ASTN1: variants seen among roughly 807,000 people sequenced by gnomAD.
ASTN1 encodes the protein astrotactin 1.
A neutral mutation model predicts 140.7 loss-of-function variants in ASTN1; 41 were observed. That is an observed-to-expected ratio of 0.29 (90% CI 0.23 to 0.38). The LOEUF is 0.38. Ranked by LOEUF, ASTN1 falls within the 10% of genes least tolerant of loss-of-function variation. The pLI, the probability that ASTN1 is intolerant of heterozygous loss-of-function variation, is 1.00. For missense variants in ASTN1, 1,479 were observed against 1,678.8 expected (o/e 0.88, Z 2.08); for synonymous variants, 640 against 652.2 (o/e 0.98, Z 0.29).
intron 13 of ASTN1, 96 bp downstream of exon 13, chr1:176,945,830 C>T (rs1414066980): frequency 2.4e-6 from 3 of 1,267,614 alleles, no homozygotes; most frequent in African/African-American, 1.5e-5. Flanking sequence ...TCATATTTAC[C>T]CTGCTCCAAC....
chr1:176,914,457 T>C (rs1670393637), intron 16 of ASTN1, among the ~76,000 whole-genome samples: 1 of 151,974 alleles, frequency 6.6e-6, no homozygotes, highest in South Asian at 2.1e-4. Flanking sequence ...GCCACAGAGG[T>C]CATTACAAAG....
At chr1:176,858,497 G>A (rs1241791873), downstream of ASTN1, among the ~76,000 whole-genome samples, 1 of 152,108 alleles carries the variant, frequency 6.6e-6, no homozygotes, top group Non-Finnish European at 1.5e-5. Flanking sequence ...GTGTTACCAT[G>A]GATGCATGCA....
intron 1 of ASTN1, among the ~76,000 whole-genome samples, chr1:177,065,678 G>C (rs913481236): frequency 1.3e-5 from 2 of 152,152 alleles, no homozygotes; most frequent in Non-Finnish European, 2.9e-5. Context: ...CTGCAGGGGG[G>C]ATGAGGTGGA....
intron 8 of ASTN1, among the ~76,000 whole-genome samples, chr1:176,990,704 G>A (rs889977114): frequency 2.6e-5 from 4 of 151,990 alleles, no homozygotes; most frequent in African/African-American, 9.7e-5. Flanking sequence ...AGAGACTGGC[G>A]TAGTCTCCCC....
At chr1:176,901,940 T>C (rs1332370280) in intron 16 of ASTN1, among the ~76,000 whole-genome samples, 2 of 152,234 alleles carry the variant, frequency 1.3e-5, no homozygotes, top group African/African-American at 4.8e-5. Flanking sequence ...GTTCCAAAAT[T>C]AAGGTTACTA....
intron 8 of ASTN1, among the ~76,000 whole-genome samples, chr1:176,970,275 T>C (rs2101860308): frequency 6.6e-6 from 1 of 152,348 alleles, no homozygotes; most frequent in Admixed American, 6.5e-5. Flanking sequence ...TGCTGATAGC[T>C]TGGGCATTTC....
intron 9 of ASTN1, 137 bp from the exon 10 acceptor site, chr1:176,958,619 C>A: frequency 8.1e-7 from 1 of 1,234,916 alleles, no homozygotes; most frequent in East Asian, 2.7e-5. Flanking sequence ...TTTATGGGTG[C>A]AATGACTAAG....
rs1049846868 is a variant in ASTN1 at position 176,861,973 on chromosome 1, G to A, written c.*2311C>T. On this transcript the variant is annotated 3_prime_UTR_variant, in exon 23 of 23. Coordinates refer to ENST00000361833, the MANE Select transcript of ASTN1 (RefSeq NM_004319.3). ...TCAACTCCCACATCATCCACTTCTGGGCAGGAAGGCATCGGCAGCCTCACC... is the reference window on the plus strand; with the variant it reads ...TCAACTCCCACATCATCCACTTCTGAGCAGGAAGGCATCGGCAGCCTCACC... The A allele has an allele frequency of 1.1e-5, 11 of 985,360 alleles. No homozygotes were observed. In the African/African-American group the frequency reaches 1.7e-4, roughly 16 times the overall value. The allele number at this position is 985,360 out of a possible 1,614,324, so 61.0% of individuals were successfully genotyped here.
chr1:176,900,010 C>A (rs1463054106), intron 16 of ASTN1, among the ~76,000 whole-genome samples: 1 of 152,094 alleles, frequency 6.6e-6, no homozygotes, highest in Non-Finnish European at 1.5e-5. Context: ...ACGTCTTTGC[C>A]TAGTTTAGTT....
chr1:177,149,167 T>G (rs1457945170), intron 1 of ASTN1, among the ~76,000 whole-genome samples: 1 of 118,532 alleles, frequency 8.4e-6, no homozygotes, highest in Non-Finnish European at 1.6e-5. Flanking sequence ...AGTGTATATA[T>G]AGTAAATATA....
chr1:176,923,258 T>C lies in ASTN1; in HGVS notation c.2671+10894A>G, dbSNP rs567989104. Among the ~76,000 whole-genome samples the C allele has an allele frequency of 5.3e-5, 8 of 152,316 alleles. No homozygotes were observed. The East Asian group carries it at 1.2e-3, about 22-fold the overall frequency. On this transcript the variant is annotated intron_variant, in intron 16 of 22. Transcript: ENST00000361833. ...AAGTAGAAATCATTTGCCGAGTTTATAGAGTCACAGAACATTAGAACTAGA... is the reference window on the plus strand; with the variant it reads ...AAGTAGAAATCATTTGCCGAGTTTACAGAGTCACAGAACATTAGAACTAGA...
chr1:176,866,470 C>T (rs1479671491), intron 22 of ASTN1, among the ~76,000 whole-genome samples: 1 of 152,092 alleles, frequency 6.6e-6, no homozygotes, highest in East Asian at 1.9e-4. Context: ...CTCAGTCTGT[C>T]CTACTGTATG....
chr1:177,090,135 A>G (rs1679676305), intron 1 of ASTN1, among the ~76,000 whole-genome samples: 1 of 152,044 alleles, frequency 6.6e-6, no homozygotes, highest in Non-Finnish European at 1.5e-5. Flanking sequence ...TATATTGATA[A>G]TCTTTGTAAT....
At chr1:176,931,259 G>C (rs888693528) in intron 16 of ASTN1, among the ~76,000 whole-genome samples, 2 of 152,128 alleles carry the variant, frequency 1.3e-5, no homozygotes, top group East Asian at 1.9e-4. Flanking sequence ...CTGAGGTCGG[G>C]AGTTCGAGAC....
intron 20 of ASTN1, among the ~76,000 whole-genome samples, chr1:176,876,861 G>A (rs552952382): frequency 9.8e-5 from 15 of 152,286 alleles, no homozygotes; most frequent in African/African-American, 3.4e-4. Context: ...GCTGTCTTGG[G>A]TATATTTTTT....
intron 1 of ASTN1, among the ~76,000 whole-genome samples, chr1:177,107,926 T>C (rs939176459): frequency 1.3e-5 from 2 of 151,770 alleles, no homozygotes; most frequent in African/African-American, 4.8e-5. Context: ...GGAGGATACT[T>C]TTTTTTTAAG....
In ASTN1 at chr1:176,994,105, C is replaced by A. The variant is rs186237682; in HGVS notation, c.1523+20686G>T. The stretch of plus-strand genomic sequence containing the variant: ...AGTACTTGAAAGTTTTCACCCCACC[C>A]CCCCCGCCACCCACCAATGAGAACT... On this transcript the variant is annotated intron_variant, in intron 8 of 22. Coordinates refer to ENST00000361833, the MANE Select transcript of ASTN1 (RefSeq NM_004319.3). Among the ~76,000 whole-genome samples, 311 of 151,534 alleles carry A rather than the reference C, an allele frequency of 2.1e-3. 3 individuals are homozygous for A. Among genetic ancestry groups the A allele is most frequent in the African/African-American group, 6.9e-3 (282 of 41,106 alleles).
chr1:176,887,989 T>C, intron 18 of ASTN1, 82 bp downstream of exon 18: 1 of 1,578,880 alleles, frequency 6.3e-7, no homozygotes, highest in Non-Finnish European at 8.7e-7. Context: ...TGTTTCCCAG[T>C]ACCCAGCCTA....
At chr1:176,957,568 A>G (rs1183585162) in intron 11 of ASTN1, 110 bp downstream of exon 11, 1 of 1,360,684 alleles carries the variant, frequency 7.3e-7, no homozygotes, top group Non-Finnish European at 1.0e-6. Flanking sequence ...AATGGTGTTT[A>G]CAACTGGGGA....
Sources: gnomAD v4.1 joint callset for allele counts (sites outside exome capture counted in the v4.1 genomes callset) on GRCh38, gnomAD v4.1.1 for gene constraint, MANE v1.5 for transcripts, NCBI Gene and HGNC (gene_info 2026-07-23, HGNC 2026-07-21) for gene names.